LIMCH1: variants seen among roughly 807,000 people sequenced by gnomAD.
LIMCH1 encodes LIM and calponin homology domains-containing protein 1.
LIMCH1 carries 113 observed loss-of-function variants against 176.5 expected under a neutral mutation model. The ratio of observed to expected loss-of-function variants is 0.64; its 90% CI spans 0.55 to 0.75. LIMCH1 has a LOEUF of 0.75. LIMCH1 is among the 30% of genes least tolerant of loss of function. The pLI is 0.00. For synonymous variants in LIMCH1, 619 were observed against 645.9 expected (o/e 0.96, Z 0.63); for missense variants, 1,674 against 1,814.9 (o/e 0.92, Z 1.41).
intron 2 of LIMCH1, among the ~76,000 whole-genome samples, chr4:41,499,056 T>C (rs960429718): frequency 6.6e-6 from 1 of 152,230 alleles, no homozygotes; most frequent in African/African-American, 2.4e-5. Flanking sequence ...ATTTTAGATG[T>C]AAATTGTTTA....
chr4:41,479,637 T>G (rs961364286), intron 1 of LIMCH1, among the ~76,000 whole-genome samples: 2 of 152,180 alleles, frequency 1.3e-5, no homozygotes, highest in Admixed American at 1.3e-4. Context: ...GCCCAAAACA[T>G]TAATTATAAA....
chr4:41,437,784 GT>G (rs956059305), intron 1 of LIMCH1, among the ~76,000 whole-genome samples: 4 of 151,564 alleles, frequency 2.6e-5, no homozygotes, highest in Non-Finnish European at 5.9e-5. Context: ...CTTCTTTTTT[GT>G]TTTTTTTCTT....
rs1421256533 is a variant in LIMCH1, at chr4:41,360,941, G to A, written c.96+5G>A. Reference sequence around the variant, plus strand: ...GAGGCGCAGAAGTGGATTGAGGTAGGTGCGGGTGGCTGGCGGGCGGCCTTG... The same window carrying A: ...GAGGCGCAGAAGTGGATTGAGGTAGATGCGGGTGGCTGGCGGGCGGCCTTG... On this transcript the variant is annotated splice_donor_5th_base_variant and intron_variant, in intron 1 of 26. Transcript: ENST00000313860. This position sits in a 1 kb window ranked among gnomAD's most constrained non-coding sequence, Gnocchi z 4.5. 2.5e-6 allele frequency: 4 copies of A among 1,569,640 alleles called. No individual in the cohort carries two copies. The highest frequency in any genetic ancestry group is 2.6e-6 in the Non-Finnish European group (3 of 1,160,872).
At chr4:41,677,075 A>G (rs555814096) in intron 23 of LIMCH1, among the ~76,000 whole-genome samples, 2 of 152,120 alleles carry the variant, frequency 1.3e-5, no homozygotes, top group African/African-American at 4.8e-5. Flanking sequence ...AGACAGAAGA[A>G]TCGCTTGAAC....
chr4:41,646,291 T>C lies in LIMCH1; in HGVS notation c.2411+11T>C. The stretch of plus-strand genomic sequence containing the variant: ...AATTGTTCAAGAAAAGTGAGTTCTT[T>C]CTGTTGTCGTTTTTAATGTACAATA... On this transcript the variant is annotated intron_variant, in intron 16 of 31. Coordinates refer to ENST00000503057, the MANE Select transcript of LIMCH1 (RefSeq NM_001330672.2). 1 of 1,596,832 alleles carries C rather than the reference T, an allele frequency of 6.3e-7. No individual in the cohort carries two copies. Among genetic ancestry groups the C allele is most frequent in the Non-Finnish European group, 8.5e-7 (1 of 1,175,424 alleles).
chr4:41,381,466 T>A (rs1363503376), intron 1 of LIMCH1, among the ~76,000 whole-genome samples: 1 of 152,184 alleles, frequency 6.6e-6, no homozygotes, highest in Non-Finnish European at 1.5e-5. Context: ...CAGAGGGAGC[T>A]GAATTGGTGT....
chr4:41,420,076 G>A (rs1216917015), intron 1 of LIMCH1, among the ~76,000 whole-genome samples: 2 of 152,082 alleles, frequency 1.3e-5, no homozygotes, highest in African/African-American at 4.8e-5. Flanking sequence ...TCTTAATTGG[G>A]TGCTCTAGGC....
At chr4:41,654,451 T>C (rs2094406852) in intron 18 of LIMCH1, among the ~76,000 whole-genome samples, 1 of 152,186 alleles carries the variant, frequency 6.6e-6, no homozygotes, top group Non-Finnish European at 1.5e-5. Context: ...TTTGGTAAGT[T>C]GGGTGTATTC....
intron 1 of LIMCH1, among the ~76,000 whole-genome samples, chr4:41,378,985 A>T (rs534448609): frequency 6.6e-6 from 1 of 152,280 alleles, no homozygotes; most frequent in Non-Finnish European, 1.5e-5. Flanking sequence ...AGTAGAAGGG[A>T]CACTTTAGAT....
intron 1 of LIMCH1, among the ~76,000 whole-genome samples, chr4:41,361,179 G>T (rs575649725): frequency 2.0e-5 from 3 of 152,336 alleles, no homozygotes; most frequent in Admixed American, 6.5e-5. Context: ...GTGAGGGCAG[G>T]AAGGGATCCC....
chr4:41,400,997 C>T (rs1045901642), intron 1 of LIMCH1, among the ~76,000 whole-genome samples: 10 of 152,144 alleles, frequency 6.6e-5, no homozygotes, highest in South Asian at 2.1e-4. Flanking sequence ...TTCACTCTGA[C>T]GGTAGTTTCT....
intron 23 of LIMCH1, among the ~76,000 whole-genome samples, chr4:41,678,143 TTC>T (rs1247866485): frequency 6.6e-6 from 1 of 152,120 alleles, no homozygotes. Context: ...TGTCCATGTG[TTC>T]TCATTGTTCA....
rs148420359 is a variant in LIMCH1 at position 41,565,452 on chromosome 4, A to G, written c.-241+27102A>G. On this transcript the variant is annotated intron_variant, in intron 1 of 31. Coordinates refer to ENST00000503057, the MANE Select transcript of LIMCH1 (RefSeq NM_001330672.2). ...AATTAAATAAATATATGATAAATAT[A>G]TATATGAGATAAATATATATATATA... is the stretch of plus-strand genomic sequence containing the variant. Among the ~76,000 whole-genome samples, 420 of 150,398 alleles carry G rather than the reference A, an allele frequency of 2.8e-3. 2 individuals carry two copies. The highest frequency in any genetic ancestry group is 9.9e-3 in the African/African-American group (408 of 41,120).
At chr4:41,609,738 G>A in intron 4 of LIMCH1, 1 of 444,534 alleles carries the variant, frequency 2.2e-6, no homozygotes, top group Admixed American at 2.5e-5. Flanking sequence ...TAACTCAGTA[G>A]CAGTTAGCAC....
chr4:41,545,554 T>C (rs1369916435), intron 1 of LIMCH1, among the ~76,000 whole-genome samples: 1 of 152,196 alleles, frequency 6.6e-6, no homozygotes, highest in Admixed American at 6.5e-5. Flanking sequence ...CTAAACTTAA[T>C]GTTGACCTCG....
intron 1 of LIMCH1, among the ~76,000 whole-genome samples, chr4:41,432,786 A>G (rs13103831): frequency 0.13 from 19,572 of 151,702 alleles, 1,488 homozygotes; most frequent in Admixed American, 0.21. Flanking sequence ...CTGATTGTTA[A>G]AATACAGGAC....
At chr4:41,634,504 A>C (rs1392815095) in intron 13 of LIMCH1, among the ~76,000 whole-genome samples, 1 of 152,204 alleles carries the variant, frequency 6.6e-6, no homozygotes, top group African/African-American at 2.4e-5. Flanking sequence ...AGTGGGAGAG[A>C]AGGCAGAGTG....
intron 1 of LIMCH1, among the ~76,000 whole-genome samples, chr4:41,474,655 A>G (rs1435021485): frequency 6.6e-6 from 1 of 152,250 alleles, no homozygotes; most frequent in Non-Finnish European, 1.5e-5. Flanking sequence ...ATTGGCTATT[A>G]TCAAAAAGAC....
chr4:41,494,729 A>C (rs1037536063), intron 2 of LIMCH1: 1 of 656,574 alleles, frequency 1.5e-6, no homozygotes, highest in Non-Finnish European at 2.6e-6. Context: ...GAAACTCAAA[A>C]AATCCCTGGG....
Sources: allele counts gnomAD v4.1 joint callset (sites outside exome capture counted in the v4.1 genomes callset), GRCh38; gene constraint gnomAD v4.1.1; non-coding constraint Gnocchi (gnomAD v3.1); transcripts MANE v1.5; gene names NCBI Gene and HGNC (gene_info 2026-07-23, HGNC 2026-07-21).